Variants in MZF1 observed in about 807,000 individuals in gnomAD.
MZF1 encodes myeloid zinc finger 1.
A neutral mutation model predicts 28.6 loss-of-function variants in MZF1; 24 were observed. That is an observed-to-expected ratio of 0.84 (90% CI 0.61 to 1.18). MZF1 has a LOEUF of 1.18. Ranked by LOEUF, MZF1 falls within the 50% of genes most tolerant of loss-of-function variation. The pLI is 0.00. For missense variants in MZF1, 1,166 were observed against 1,026.4 expected (o/e 1.14, Z -1.86); for synonymous variants, 516 against 432.5 (o/e 1.19, Z -2.40).
Position 58,564,902 on chromosome 19 carries a change from G to GTTTTTTTTTT in MZF1, c.773-1408_773-1399dup, listed in dbSNP as rs71190056. 3.6e-4 allele frequency among the ~76,000 whole-genome samples: 15 copies of GTTTTTTTTTT among 41,992 alleles called. 1 individual carries two copies. Among genetic ancestry groups the GTTTTTTTTTT allele is most frequent in the South Asian group, 1.2e-3 (1 of 806 alleles). 27.5% of individuals were successfully genotyped at this position (41,992 alleles called of 152,430 possible). A position where few individuals can be genotyped will look rare whatever the true frequency, so the allele number is the denominator to read the frequency against. On this transcript the variant is annotated intron_variant, in intron 5 of 5. Transcript: ENST00000215057. ...GTGGAGAATAAGCATCCATGTGTGT[G>GTTTTTTTTTT]TTTTTTTTTTTTTTTTTTTTTTTTT...
chr19:58,568,958 C>T (rs73068329), intron 5 of MZF1: 42,717 of 248,980 alleles, frequency 0.17, 3,871 homozygotes, highest in Middle Eastern at 0.24. Context: ...GGATGCAAGC[C>T]CAGGAGGCCA....
rs775348375 is a variant in MZF1 at position 58,563,357 on chromosome 19, A to G, written c.920T>C (p.Leu307Pro). ...CTGTTCACTCCTCAGATCGCTGGGG[A>G]GCAGAAGCGCATGCGCAAAGCCACC... ...REGGFAHALL[L>P]PSDLRSEQDP... Residue 307 changes from leucine to proline, a missense_variant, in exon 6 of 6, where the codon CTC becomes CCC. Transcript: ENST00000215057. 14 of 1,607,974 alleles carry G rather than the reference A, an allele frequency of 8.7e-6. No individual in the cohort carries two copies. The highest frequency in any genetic ancestry group is 3.3e-4 in the Middle Eastern group (2 of 6,072).
intron 5 of MZF1, chr19:58,568,585 T>G (rs2122718702): frequency 6.6e-6 from 1 of 152,296 alleles, no homozygotes; most frequent in Non-Finnish European, 1.5e-5. Context: ...CAGCCAAACT[T>G]CAATCTAATG....
At chr19:58,563,851 G>A (rs1206120758) in intron 5 of MZF1, 2 of 209,592 alleles carry the variant, frequency 9.5e-6, no homozygotes, top group East Asian at 1.2e-4. Context: ...GGTGGGTCTC[G>A]GAGGCTGGAG....
chr19:58,572,764 A>AG (rs1195277865), intron 1 of MZF1: 2 of 518,806 alleles, frequency 3.9e-6, no homozygotes, highest in Non-Finnish European at 6.4e-6. Context: ...GTACCTACGG[A>AG]GGGTCCCGAA....
chr19:58,568,044 C>G (rs185530404), intron 5 of MZF1: 1 of 152,020 alleles, frequency 6.6e-6, no homozygotes, highest in Admixed American at 6.6e-5. Flanking sequence ...TAAGACCAGC[C>G]CTGGCAACAT....
In MZF1 at chr19:58,563,022, G is replaced by C. The variant is rs911568599; in HGVS notation, c.1255C>G (p.Gln419Glu). 2 of 1,601,870 alleles carry C rather than the reference G, an allele frequency of 1.2e-6. No individual in the cohort carries two copies. The highest frequency in any genetic ancestry group is 1.7e-6 in the Non-Finnish European group (2 of 1,179,638). ...AGGCGCGCGCTGCGCACGAAGCCCT[G>C]GCCACAGTCGCCGCACACGAACGGC... ...ERPFVCGDCG[Q>E]GFVRSARLEE... The change falls in exon 6 of 6, where the codon CAG becomes GAG. Residue 419 changes from glutamine (Q) to glutamate (E), a missense_variant. Physicochemically the swap from Gln to Glu is conservative, Grantham distance 29 (BLOSUM62 2). Coordinates refer to ENST00000215057, the MANE Select transcript of MZF1 (RefSeq NM_198055.2).
Position 58,571,083 on chromosome 19 carries a change from G to T in MZF1, c.307C>A (p.Arg103Ser), listed in dbSNP as rs140640838. 6 of 1,613,574 alleles carry T rather than the reference G, an allele frequency of 3.7e-6. No homozygotes were observed. The highest frequency in any genetic ancestry group is 5.1e-6 in the Non-Finnish European group (6 of 1,179,958). Residue 103 changes from arginine to serine, a missense_variant, in exon 2 of 6, where the codon CGT (arginine) becomes AGT (serine). By Grantham distance (110) the Arg-to-Ser change is moderately radical (BLOSUM62 -1). Coordinates refer to ENST00000215057, the MANE Select transcript of MZF1 (RefSeq NM_198055.2). ...LGALPPEIQA[R>S]VQGQRPGSPE... ...CTGCCTGGCCGCTGCCCCTGCACAC[G>T]GGCCTGGATCTCAGGGGGCAGTGCG...
chr19:58,564,898 G>T (rs1459907007), intron 5 of MZF1, among the ~76,000 whole-genome samples: 3 of 91,948 alleles, frequency 3.3e-5, no homozygotes, highest in African/African-American at 1.6e-4. Flanking sequence ...GCATCCATGT[G>T]TGTGTTTTTT....
In MZF1 at chr19:58,562,370, T is replaced by A. The variant is rs772478991; in HGVS notation, c.1907A>T (p.Gln636Leu). The change falls in exon 6 of 6, where the codon CAG becomes CTG. Residue 636 changes from glutamine (Q) to leucine (L), a missense_variant. Gln to Leu is a moderately radical substitution (Grantham distance 113). Coordinates refer to ENST00000215057, the MANE Select transcript of MZF1 (RefSeq NM_198055.2). ...CTGGTGCTCGGTGAGCCGCGAGACC[T>A]GCGTGAAGCCCAGGCCGCACTCACC... is the stretch of plus-strand genomic sequence containing the variant. ...HCGECGLGFT[Q>L]VSRLTEHQRI... is the part of the protein sequence containing the mutation. 2.1e-5 allele frequency: 33 copies of A among 1,608,140 alleles called. No homozygotes were observed. The Admixed American group carries it at 5.1e-4, about 25-fold the overall frequency.
chr19:58,562,457 C>G lies in MZF1; in HGVS notation c.1820G>C (p.Ser607Thr), dbSNP rs1333711025. The change falls in exon 6 of 6, where the codon AGC becomes ACC. Residue 607 changes from serine to threonine, a missense_variant. Coordinates refer to ENST00000215057, the MANE Select transcript of MZF1 (RefSeq NM_198055.2). ...FACPECGQRF[S>T]QRLKLTRHQR... Reference sequence around the variant, plus strand: ...ATGACGCGTGAGCTTGAGGCGCTGGCTGAAGCGCTGGCCACACTCGGGGCA... The same window carrying G: ...ATGACGCGTGAGCTTGAGGCGCTGGGTGAAGCGCTGGCCACACTCGGGGCA... The G allele has an allele frequency of 6.2e-7, 1 of 1,610,810 alleles. No individual in the cohort carries two copies. The highest frequency in any genetic ancestry group is 1.7e-5 in the Admixed American group (1 of 59,632).
Position 58,570,847 on chromosome 19 carries a change from G to A in MZF1, c.396+147C>T, listed in dbSNP as rs534838462. 15 of 863,970 alleles carry A rather than the reference G, an allele frequency of 1.7e-5. No homozygotes were observed. In the Admixed American group the frequency reaches 4.2e-4, roughly 24 times the overall value. 53.5% of individuals were successfully genotyped at this position (863,970 alleles called of 1,614,324 possible). On this transcript the variant is annotated intron_variant, in intron 2 of 5. Coordinates refer to ENST00000215057, the MANE Select transcript of MZF1 (RefSeq NM_198055.2). ...CTGGCCCTGGAATCCCTCTGCCCTG[G>A]GCAGCCTTGCACAGGGTCTCTGTTG...
In MZF1 at chr19:58,571,285, T is replaced by C. The variant is rs772234793; in HGVS notation, c.105A>G (p.Leu35=). 1 of 1,613,678 alleles carries C rather than the reference T, an allele frequency of 6.2e-7. No individual in the cohort carries two copies. The highest frequency in any genetic ancestry group is 1.3e-5 in the African/African-American group (1 of 74,904). ...GTGCAGCTTCAGGGCCTGGGTCCCA[T>C]AAGGCAGCCTCACCCTCCTCCTCAG... ...EDSEEEGEAA[L]WDPGPEAARL... is the part of the protein sequence containing the mutation. Residue 35 remains leucine (L), a synonymous_variant, in exon 2 of 6, where the codon TTA becomes TTG. Coordinates refer to ENST00000215057, the MANE Select transcript of MZF1 (RefSeq NM_198055.2).
In MZF1 at chr19:58,571,370, C is replaced by A. The variant is rs2054160606; in HGVS notation, c.20G>T (p.Gly7Val). 6.2e-7 allele frequency: 1 copy of A among 1,614,128 alleles called. No homozygotes were observed. Among genetic ancestry groups the A allele is most frequent in the Non-Finnish European group, 8.5e-7 (1 of 1,180,024 alleles). The change falls in exon 2 of 6, where the codon GGC becomes GTC. Residue 7 changes from glycine to valine, a missense_variant. Physicochemically the swap from Gly to Val is moderately radical, Grantham distance 109 (BLOSUM62 -3). Transcript: ENST00000215057. MRPAVL[G>V]SPDRAPPEDE... ...TTCTGGGGGTGCTCGGTCTGGGGAGCCCAGCACCGCAGGCCTCATAGAGGG... is the reference window on the plus strand; with the variant it reads ...TTCTGGGGGTGCTCGGTCTGGGGAGACCAGCACCGCAGGCCTCATAGAGGG...
At chr19:58,572,706 G>A in intron 1 of MZF1, 6 of 1,101,244 alleles carry the variant, frequency 5.4e-6, no homozygotes, top group Non-Finnish European at 7.3e-6. Context: ...AAGGTGCCAA[G>A]TCAACCTGAA....
At chr19:58,568,089 T>G (rs1366328062) in intron 5 of MZF1, 1 of 151,846 alleles carries the variant, frequency 6.6e-6, no homozygotes, top group Admixed American at 6.6e-5. Context: ...AATAAAAAAA[T>G]TAAAAATGAG....
At position 58,563,390 on chromosome 19, in the gene MZF1, G is replaced by C; in HGVS notation, c.887C>G (p.Ser296Cys). Residue 296 changes from serine (S) to cysteine (C), a missense_variant, in exon 6 of 6, where the codon TCC becomes TGC. Physicochemically the swap from Ser to Cys is moderately radical, Grantham distance 112. Transcript: ENST00000215057. ...CGCATGCGCAAAGCCACCTTCGCGG[G>C]AGGGTGATTGGATCTGGCCAGAAAG... ...AGLSGQIQSP[S>C]REGGFAHALL... 1 of 1,601,390 alleles carries C rather than the reference G, an allele frequency of 6.2e-7. No homozygotes were observed. Among genetic ancestry groups the C allele is most frequent in the South Asian group, 1.1e-5 (1 of 89,144 alleles).
chr19:58,564,541 A>C (rs1037141869), intron 5 of MZF1: 1 of 152,206 alleles, frequency 6.6e-6, no homozygotes, highest in African/African-American at 2.4e-5. Flanking sequence ...AGTAAGAAAA[A>C]TGCACCTTAG....
intron 5 of MZF1, among the ~76,000 whole-genome samples, chr19:58,565,382 C>T (rs34282528): frequency 0.036 from 5,309 of 148,170 alleles, 127 homozygotes; most frequent in Non-Finnish European, 0.054. Flanking sequence ...GCGTGAGCCA[C>T]CGCACCTAGC....
Sources: allele counts gnomAD v4.1 joint callset (sites outside exome capture counted in the v4.1 genomes callset), GRCh38; gene constraint gnomAD v4.1.1; transcripts MANE v1.5; gene names NCBI Gene and HGNC (gene_info 2026-07-23, HGNC 2026-07-21).